The following HOOK3 variants were observed in gnomAD, a reference collection of about 807,000 sequenced individuals.
The protein encoded by HOOK3 is protein Hook homolog 3.
In HOOK3, 24 loss-of-function variants were observed where a neutral mutation model predicts 116.3. That is an observed-to-expected ratio of 0.21 (90% CI 0.15 to 0.29). The LOEUF (loss-of-function observed/expected upper bound fraction) is 0.29. Ranked by LOEUF, HOOK3 falls within the 10% of genes least tolerant of loss-of-function variation. The pLI, the probability that HOOK3 is intolerant of heterozygous loss-of-function variation, is 1.00. For synonymous variants in HOOK3, 275 were observed against 283.0 expected, an observed-to-expected ratio of 0.97 and a Z score of 0.28; for missense variants, 632 against 830.2, an observed-to-expected ratio of 0.76 and a Z score of 2.93.
At chr8:42,912,675 ACACAC>A in intron 2 of HOOK3, among the ~76,000 whole-genome samples, 1 of 11,268 alleles carries the variant, frequency 8.9e-5, no homozygotes, top group African/African-American at 3.1e-3. Flanking sequence ...CTTGCCCACC[ACACAC>A]TCCTTGCCCA....
chr8:42,911,648 G>A (rs529714442), intron 2 of HOOK3, among the ~76,000 whole-genome samples: 85 of 152,158 alleles, frequency 5.6e-4, no homozygotes, highest in Non-Finnish European at 1.0e-3. Context: ...CCTTAGACTA[G>A]GAGGTGCTGA....
At chr8:43,007,458 G>T (rs533532904) in intron 17 of HOOK3, among the ~76,000 whole-genome samples, 78 of 152,224 alleles carry the variant, frequency 5.1e-4, no homozygotes, top group African/African-American at 1.8e-3. Flanking sequence ...TATTCATGTG[G>T]TTGAGTATAT....
chr8:42,939,566 G>T (rs544617248), intron 4 of HOOK3, among the ~76,000 whole-genome samples: 3 of 143,734 alleles, frequency 2.1e-5, no homozygotes, highest in East Asian at 4.1e-4. Flanking sequence ...CTGGCCGAGC[G>T]GGGGGCTGAC....
rs1196581155 is a variant in HOOK3 at position 42,974,142 on chromosome 8, C to T, written c.1269C>T (p.Thr423=). Residue 423 remains threonine, a synonymous_variant, in exon 13 of 22, where the codon ACC becomes ACT. Transcript: ENST00000307602. Reference sequence around the variant, plus strand: ...CAGAAAGGGATTCTCTGAAGGAAACCATTGAAGAGCTTCGTTGTGTACAAG... The same window carrying T: ...CAGAAAGGGATTCTCTGAAGGAAACTATTGAAGAGCTTCGTTGTGTACAAG... ...LRTERDSLKE[T]IEELRCVQAQ... is the part of the protein sequence containing the mutation. 4 of 1,613,978 alleles carry T rather than the reference C, an allele frequency of 2.5e-6. No homozygotes were observed. Among genetic ancestry groups the T allele is most frequent in the Non-Finnish European group, 3.4e-6 (4 of 1,179,880 alleles).
chr8:42,977,235 C>G (rs1247335434), intron 13 of HOOK3, among the ~76,000 whole-genome samples: 1 of 152,156 alleles, frequency 6.6e-6, no homozygotes, highest in Non-Finnish European at 1.5e-5. Flanking sequence ...AAATAACACT[C>G]TTGCCTGACA....
At chr8:42,902,700 T>A (rs1448190699) in intron 1 of HOOK3, among the ~76,000 whole-genome samples, 1 of 152,232 alleles carries the variant, frequency 6.6e-6, no homozygotes, top group Non-Finnish European at 1.5e-5. Context: ...CACACCCTTC[T>A]ATAGGCTATT....
intron 4 of HOOK3, among the ~76,000 whole-genome samples, chr8:42,937,520 GGCATTTAGT>G (rs779679118): frequency 5.3e-5 from 8 of 151,796 alleles, no homozygotes; most frequent in Non-Finnish European, 1.2e-4. Flanking sequence ...TTCTCCTATG[GGCATTTAGT>G]GCTATAAATT....
At chr8:42,931,425 CTTT>C (rs764965780) in intron 4 of HOOK3, among the ~76,000 whole-genome samples, 15 of 100,612 alleles carry the variant, frequency 1.5e-4, no homozygotes, top group African/African-American at 5.2e-4. Flanking sequence ...CTTCTCTTCT[CTTT>C]TTTTTTTTTT....
At chr8:42,916,714 G>A (rs750043328) in intron 2 of HOOK3, among the ~76,000 whole-genome samples, 4 of 152,150 alleles carry the variant, frequency 2.6e-5, no homozygotes, top group Non-Finnish European at 5.9e-5. Flanking sequence ...ACTAATCAAT[G>A]CTATTTCTGT....
chr8:42,966,321 T>C, intron 9 of HOOK3, 152 bp from the exon 10 acceptor site: 1 of 648,178 alleles, frequency 1.5e-6, no homozygotes, highest in Admixed American at 2.9e-5. Flanking sequence ...TTTATGACAG[T>C]TAGTGCTTGA....
At chr8:42,925,495 TTTTC>T (rs1235376303) in intron 2 of HOOK3, 58 bp from the exon 3 acceptor site, 15 of 1,117,230 alleles carry the variant, frequency 1.3e-5, no homozygotes, top group Non-Finnish European at 2.0e-5. Context: ...TGAGATTCAA[TTTTC>T]TTTGTTTAGC....
chr8:42,955,720 G>A (rs977492712), intron 6 of HOOK3, among the ~76,000 whole-genome samples: 1 of 151,680 alleles, frequency 6.6e-6, no homozygotes, highest in African/African-American at 2.4e-5. Flanking sequence ...AGAGGGGTGG[G>A]GCCTAGAAGT....
chr8:42,949,307 T>C (rs1586605624), intron 5 of HOOK3: 1 of 152,370 alleles, frequency 6.6e-6, no homozygotes, highest in East Asian at 1.9e-4. Context: ...GAGATCTTTT[T>C]GTTTTTTGGC....
chr8:42,992,299 C>T (rs1282743949), intron 15 of HOOK3, among the ~76,000 whole-genome samples: 1 of 145,828 alleles, frequency 6.9e-6, no homozygotes, highest in South Asian at 2.1e-4. Flanking sequence ...ACTCAGGAGG[C>T]TGAGGCAGGA....
At chr8:42,997,477 TA>T in intron 15 of HOOK3, 72 bp from the exon 16 acceptor site, 1 of 864,930 alleles carries the variant, frequency 1.2e-6, no homozygotes, top group Non-Finnish European at 1.9e-6. Flanking sequence ...ACTTTCTAAC[TA>T]ATATGACAAC....
intron 2 of HOOK3, among the ~76,000 whole-genome samples, chr8:42,912,076 G>T (rs1440044777): frequency 6.6e-6 from 1 of 152,184 alleles, no homozygotes; most frequent in Non-Finnish European, 1.5e-5. Flanking sequence ...GCCTTTAATT[G>T]TTGGGTAGAG....
At chr8:42,931,296 A>G (rs1257115158) in intron 4 of HOOK3, among the ~76,000 whole-genome samples, 2 of 148,820 alleles carry the variant, frequency 1.3e-5, no homozygotes, top group African/African-American at 2.5e-5. Context: ...GGCCACATTC[A>G]CCCCTCAGCC....
intron 11 of HOOK3, among the ~76,000 whole-genome samples, chr8:42,970,110 G>T (rs892263966): frequency 6.6e-6 from 1 of 152,140 alleles, no homozygotes; most frequent in Non-Finnish European, 1.5e-5. Context: ...TTTGTGTAGG[G>T]TGTGAAGTAG....
chr8:42,930,580 A>G (rs1168158698), intron 4 of HOOK3, among the ~76,000 whole-genome samples: 1 of 152,160 alleles, frequency 6.6e-6, no homozygotes, highest in East Asian at 1.9e-4. Context: ...ATTGCTGGGG[A>G]AGAAATCAGG....
Sources: gnomAD v4.1 joint callset for allele counts (sites outside exome capture counted in the v4.1 genomes callset) on GRCh38, gnomAD v4.1.1 for gene constraint, MANE v1.5 for transcripts, NCBI Gene and HGNC (gene_info 2026-07-23, HGNC 2026-07-21) for gene names.